PKN2: variants seen among roughly 807,000 people sequenced by gnomAD.
The protein encoded by PKN2 is protein kinase N2, also known as serine/threonine-protein kinase N2.
Under a neutral mutation model 119.1 loss-of-function variants are expected in PKN2, and 38 were observed. The observed-to-expected ratio is 0.32, with a 90% CI of 0.25 to 0.42. PKN2 has a LOEUF of 0.42. Ranked by LOEUF, PKN2 falls within the 10% of genes least tolerant of loss-of-function variation. The probability of loss-of-function intolerance (pLI) is 1.00; values close to 1 mark genes in which losing one functional copy is unlikely to be tolerated. For missense variants in PKN2, 850 were observed against 1,165.1 expected (o/e 0.73, Z 3.94); for synonymous variants, 390 against 384.9 (o/e 1.01, Z -0.15).
chr1:88,744,777 G>A (rs892295714), intron 2 of PKN2, among the ~76,000 whole-genome samples: 1 of 152,148 alleles, frequency 6.6e-6, no homozygotes, highest in African/African-American at 2.4e-5. Flanking sequence ...TCAGTTTCTT[G>A]TTTGTAAAAT....
rs34630092 is a variant in PKN2, at chr1:88,720,024, T to TTTGTTGTTG, written c.49-20949_49-20941dup. ...TTTTGAACTAGGAGTCAAAATGTTT[T>TTTGTTGTTG]TTGTTGTTGTTGTTGTTGTTGTTTT... On this transcript the variant is annotated intron_variant, in intron 1 of 21. Transcript: ENST00000370521. Among the ~76,000 whole-genome samples, 43 of 151,908 alleles carry TTTGTTGTTG rather than the reference T, an allele frequency of 2.8e-4. 1 individual carries two copies. Among genetic ancestry groups the TTTGTTGTTG allele is most frequent in the African/African-American group, 9.4e-4 (39 of 41,416 alleles).
intron 6 of PKN2, among the ~76,000 whole-genome samples, chr1:88,778,824 C>T (rs558814643): frequency 1.3e-5 from 2 of 152,272 alleles, no homozygotes; most frequent in East Asian, 1.9e-4. Context: ...CACCATTCTC[C>T]TGCCTCAGCC....
rs553554095 is a variant in PKN2 at position 88,684,467 on chromosome 1, GTTT to G, written c.-103_-101del. On this transcript the variant is annotated 5_prime_UTR_variant, in exon 1 of 22. Coordinates refer to ENST00000370521, the MANE Select transcript of PKN2 (RefSeq NM_006256.4). ...GCTGCGCCTCCATGAATCCCTAGTT[GTTT>G]TTTTTTTTTTCTTTCTCTCCCCTCT... The G allele has an allele frequency of 3.1e-5, 20 of 655,044 alleles. No homozygotes were observed. Among genetic ancestry groups the G allele is most frequent in the East Asian group, 1.6e-4 (4 of 25,192 alleles). 40.6% of individuals were successfully genotyped at this position (655,044 alleles called of 1,614,324 possible).
intron 3 of PKN2, among the ~76,000 whole-genome samples, chr1:88,766,601 C>T (rs1324643076): frequency 2.0e-5 from 3 of 152,136 alleles, no homozygotes; most frequent in Admixed American, 6.5e-5. Context: ...TATAAAATTG[C>T]TGTTTTTTTA....
intron 15 of PKN2, 86 bp downstream of exon 15, chr1:88,807,861 T>C (rs1671614002): frequency 1.4e-6 from 1 of 735,648 alleles, no homozygotes; most frequent in African/African-American, 1.8e-5. Context: ...CAAAACTTTA[T>C]GATTTTACAG....
At chr1:88,800,826 G>A (rs1188658936) in intron 8 of PKN2, among the ~76,000 whole-genome samples, 1 of 152,114 alleles carries the variant, frequency 6.6e-6, no homozygotes, top group Non-Finnish European at 1.5e-5. Context: ...CTTCAGATAA[G>A]ACATGCAGAT....
intron 18 of PKN2, among the ~76,000 whole-genome samples, chr1:88,826,903 CTG>C (rs941874159): frequency 2.0e-5 from 3 of 151,924 alleles, no homozygotes; most frequent in African/African-American, 4.8e-5. Context: ...TACTATATCA[CTG>C]TTTTTTTAAA....
At chr1:88,770,244 AACTCTGTTTTTC>A (rs1391212365) in intron 3 of PKN2, 96 bp from the exon 4 acceptor site, 1 of 627,882 alleles carries the variant, frequency 1.6e-6, no homozygotes, top group African/African-American at 1.8e-5. Flanking sequence ...GCATTCTTTT[AACTCTGTTTTTC>A]ACTTGCTGAT....
rs773216165 is a variant in PKN2 at position 88,832,973 on chromosome 1, CA to C, written c.2671-97del. On this transcript the variant is annotated intron_variant, in intron 20 of 21. Transcript: ENST00000370521. ...GTTCATAAATGTTGCATGGCTTAGA[CA>C]AAAAAAGACAAAATATATCTAAGTT... 5.3e-5 allele frequency: 68 copies of C among 1,280,624 alleles called. No individual in the cohort carries two copies. In the Middle Eastern group the frequency reaches 2.6e-3, roughly 49 times the overall value. 79.3% of individuals were successfully genotyped at this position (1,280,624 alleles called of 1,614,324 possible). A position where few individuals can be genotyped will look rare whatever the true frequency, so the allele number is the denominator to read the frequency against.
chr1:88,792,045 T>A (rs961797913), intron 8 of PKN2, among the ~76,000 whole-genome samples: 18 of 152,306 alleles, frequency 1.2e-4, no homozygotes, highest in African/African-American at 4.3e-4. Flanking sequence ...TTTTAACTTG[T>A]AACAAAGCTG....
Position 88,781,095 on chromosome 1 carries a change from A to G in PKN2, c.986-3544A>G, listed in dbSNP as rs576579111. 5.7e-4 allele frequency: 694 copies of G among 1,219,778 alleles called. 1 individual carries two copies. Among genetic ancestry groups the G allele is most frequent in the Non-Finnish European group, 6.9e-4 (658 of 950,356 alleles). 75.6% of individuals were successfully genotyped at this position (1,219,778 alleles called of 1,614,324 possible). A position where few individuals can be genotyped will look rare whatever the true frequency, so the allele number is the denominator to read the frequency against. On this transcript the variant is annotated intron_variant, in intron 6 of 21. Transcript: ENST00000370521. The stretch of plus-strand genomic sequence containing the variant: ...ACCATAAACTAAATTTTAAGTAACT[A>G]GGGAGAGAAATACTACTGACATTAA...
chr1:88,774,050 A>G (rs964026864), intron 6 of PKN2, among the ~76,000 whole-genome samples: 1 of 152,194 alleles, frequency 6.6e-6, no homozygotes, highest in African/African-American at 2.4e-5. Flanking sequence ...GAAGCACTAT[A>G]CTTAGGATTA....
At chr1:88,809,267 G>T (rs1671686356) in intron 15 of PKN2, among the ~76,000 whole-genome samples, 2 of 151,958 alleles carry the variant, frequency 1.3e-5, no homozygotes, top group African/African-American at 4.8e-5. Context: ...TACATGTTTA[G>T]AATTATTTTT....
At chr1:88,713,281 T>C (rs1018509638) in intron 1 of PKN2, among the ~76,000 whole-genome samples, 2 of 152,208 alleles carry the variant, frequency 1.3e-5, no homozygotes, top group Non-Finnish European at 2.9e-5. Flanking sequence ...ATCCTTTGGG[T>C]ATATACCCAG....
intron 6 of PKN2, among the ~76,000 whole-genome samples, chr1:88,776,165 G>C (rs112534865): frequency 0.036 from 5,285 of 148,228 alleles, 235 homozygotes; most frequent in African/African-American, 0.095. Flanking sequence ...TTTTACCTGC[G>C]TTTGTCTTCC....
At chr1:88,712,508 T>C (rs1477706713) in intron 1 of PKN2, among the ~76,000 whole-genome samples, 1 of 152,178 alleles carries the variant, frequency 6.6e-6, no homozygotes, top group Non-Finnish European at 1.5e-5. Flanking sequence ...AATTATGATT[T>C]TGCATACTAC....
intron 16 of PKN2, among the ~76,000 whole-genome samples, chr1:88,815,740 A>G (rs1384587136): frequency 1.3e-5 from 2 of 152,254 alleles, no homozygotes; most frequent in Admixed American, 6.5e-5. Context: ...AGATTAAATA[A>G]GCTAATAAAT....
At chr1:88,798,880 T>C (rs1352126372) in intron 8 of PKN2, among the ~76,000 whole-genome samples, 2 of 152,200 alleles carry the variant, frequency 1.3e-5, no homozygotes, top group African/African-American at 4.8e-5. Flanking sequence ...GGAAAAAATG[T>C]GGGCTGGATT....
intron 19 of PKN2, chr1:88,829,324 C>CAAT: frequency 2.0e-6 from 1 of 507,748 alleles, no homozygotes; most frequent in Non-Finnish European, 3.8e-6. Context: ...CAAAAGTATT[C>CAAT]GCTACACCAA....
Sources: allele counts gnomAD v4.1 joint callset (sites outside exome capture counted in the v4.1 genomes callset), GRCh38; gene constraint gnomAD v4.1.1; transcripts MANE v1.5; gene names NCBI Gene and HGNC (gene_info 2026-07-23, HGNC 2026-07-21).